The following MRPL30 variants were observed in gnomAD, a reference collection of about 807,000 sequenced individuals.
The protein encoded by MRPL30 is large ribosomal subunit protein uL30m.
Under a neutral mutation model 17.2 loss-of-function variants are expected in MRPL30, and 10 were observed. The observed-to-expected ratio is 0.58, with a 90% CI of 0.36 to 0.99. MRPL30 has a LOEUF of 0.99. Ranked by LOEUF, MRPL30 falls within the 50% of genes least tolerant of loss-of-function variation. The probability of loss-of-function intolerance (pLI) is 0.01; values close to 1 mark genes in which losing one functional copy is unlikely to be tolerated. For synonymous variants in MRPL30, 61 were observed against 62.1 expected (o/e 0.98, Z 0.08); for missense variants, 170 against 189.8 (o/e 0.90, Z 0.61).
At chr2:99,185,093 A>G (rs1330693802) in intron 1 of MRPL30, among the ~76,000 whole-genome samples, 3 of 152,266 alleles carry the variant, frequency 2.0e-5, no homozygotes, top group East Asian at 3.9e-4. Context: ...TTAGATTCTC[A>G]TAGGAGCGTG....
At chr2:99,194,422 C>T (rs1026517562) in intron 3 of MRPL30, among the ~76,000 whole-genome samples, 1 of 151,954 alleles carries the variant, frequency 6.6e-6, no homozygotes, top group Non-Finnish European at 1.5e-5. Flanking sequence ...TGTTTGTTTT[C>T]CCACTTGATA....
chr2:99,195,687 G>C lies in MRPL30; in HGVS notation c.468G>C (p.Gln156His). The change falls in exon 6 of 6, where the codon CAG becomes CAC. Residue 156 changes from glutamine (Q) to histidine (H), a missense_variant. Coordinates refer to ENST00000338148, the MANE Select transcript of MRPL30 (RefSeq NM_145212.4). The stretch of plus-strand genomic sequence containing the variant: ...AGTGGCATCTGAAACCTGTGGAGCA[G>C]AAAGCACATGAGTCCTAATGCCCCA... ...VVQWHLKPVE[Q>H]KAHES is the part of the protein sequence containing the mutation. 3 of 1,612,804 alleles carry C rather than the reference G, an allele frequency of 1.9e-6. No individual in the cohort carries two copies. The highest frequency in any genetic ancestry group is 2.5e-6 in the Non-Finnish European group (3 of 1,179,690).
intron 3 of MRPL30, among the ~76,000 whole-genome samples, chr2:99,193,711 A>G (rs1340218321): frequency 6.6e-6 from 1 of 152,164 alleles, no homozygotes; most frequent in Non-Finnish European, 1.5e-5. Context: ...ATTCATTTTA[A>G]TGGTAGTATT....
chr2:99,186,317 A>T (rs2093933992), intron 2 of MRPL30, 63 bp downstream of exon 2: 2 of 1,450,508 alleles, frequency 1.4e-6, no homozygotes, highest in African/African-American at 2.8e-5. Context: ...TTTAATCATT[A>T]CAAGGCAAGC....
intron 1 of MRPL30, among the ~76,000 whole-genome samples, chr2:99,182,680 ACT>A (rs1367973635): frequency 6.6e-6 from 1 of 152,238 alleles, no homozygotes; most frequent in Non-Finnish European, 1.5e-5. Context: ...ACATAGCGAG[ACT>A]CTGTCTCTAA....
chr2:99,187,544 G>A (rs4347885), intron 2 of MRPL30, among the ~76,000 whole-genome samples: 77,091 of 151,786 alleles, frequency 0.51, 21,457 homozygotes, highest in Middle Eastern at 0.7. Flanking sequence ...ATCCACACCC[G>A]GCTGGGCGCG....
intron 3 of MRPL30, among the ~76,000 whole-genome samples, chr2:99,192,366 C>T (rs924737359): frequency 1.3e-5 from 2 of 152,122 alleles, no homozygotes; most frequent in Non-Finnish European, 2.9e-5. Context: ...CCTATCAACC[C>T]GTCATCTAGG....
intron 1 of MRPL30, among the ~76,000 whole-genome samples, chr2:99,183,099 C>A (rs971030392): frequency 3.3e-5 from 5 of 152,090 alleles, no homozygotes; most frequent in Non-Finnish European, 5.9e-5. Context: ...ATGTAAATAT[C>A]AGGATCATTC....
chr2:99,184,430 C>A (rs1222716473), intron 1 of MRPL30, among the ~76,000 whole-genome samples: 1 of 152,090 alleles, frequency 6.6e-6, no homozygotes, highest in Non-Finnish European at 1.5e-5. Flanking sequence ...CCCTCAATAG[C>A]TATATTAAGC....
At chr2:99,185,123 C>T (rs187496980) in intron 1 of MRPL30, among the ~76,000 whole-genome samples, 5 of 152,244 alleles carry the variant, frequency 3.3e-5, no homozygotes, top group African/African-American at 1.2e-4. Context: ...GTGAACTGTG[C>T]ATGCAAGGGA....
chr2:99,183,287 G>C (rs530790180), intron 1 of MRPL30, among the ~76,000 whole-genome samples: 157 of 152,220 alleles, frequency 1.0e-3, no homozygotes, highest in African/African-American at 3.7e-3. Context: ...TTAAGAATTA[G>C]AGTTGGGGGT....
chr2:99,186,134 C>A, intron 1 of MRPL30, 43 bp from the exon 2 acceptor site: 1 of 1,388,890 alleles, frequency 7.2e-7, no homozygotes, highest in Non-Finnish European at 1.0e-6. Context: ...TGTTCATTTC[C>A]AAGACATAGT....
At chr2:99,189,637 A>G (rs1217620514) in intron 3 of MRPL30, among the ~76,000 whole-genome samples, 1 of 152,160 alleles carries the variant, frequency 6.6e-6, no homozygotes, top group African/African-American at 2.4e-5. Context: ...TAAATTTCCA[A>G]CTCATGAGTT....
intron 3 of MRPL30, among the ~76,000 whole-genome samples, chr2:99,191,009 C>CA (rs2093944413): frequency 6.9e-6 from 1 of 143,944 alleles, no homozygotes. Context: ...CCCTGACTAT[C>CA]TTTTTTTTTT....
chr2:99,186,299 A>AT (rs34925788), intron 2 of MRPL30, 45 bp downstream of exon 2: 1,703 of 1,471,460 alleles, frequency 1.2e-3, no homozygotes, highest in Middle Eastern at 1.4e-3. Context: ...CCCCTTATGA[A>AT]TTTTTTTTTT....
In MRPL30 at chr2:99,198,732, A is replaced by G. The variant is rs758072466; in HGVS notation, c.*3027A>G. 1.1e-4 allele frequency among the ~76,000 whole-genome samples: 17 copies of G among 152,132 alleles called. 1 individual carries two copies. The highest frequency in any genetic ancestry group is 3.9e-4 in the East Asian group (2 of 5,178). On this transcript the variant is annotated 3_prime_UTR_variant, in exon 6 of 6. Coordinates refer to ENST00000338148, the MANE Select transcript of MRPL30 (RefSeq NM_145212.4). ...CCTCATATCATCACTTCAAAACCCT[A>G]TAAGGGTTTGTTCCTCGGTCTTGAC...
In MRPL30 at chr2:99,199,186, C is replaced by G. The variant is rs1196794828; in HGVS notation, c.*3481C>G. On this transcript the variant is annotated 3_prime_UTR_variant, in exon 6 of 6. Coordinates refer to ENST00000338148, the MANE Select transcript of MRPL30 (RefSeq NM_145212.4). The stretch of plus-strand genomic sequence containing the variant: ...TAGTATCCCTTCCTTCCTTTCCATA[C>G]TTTGAGAATTAATAAGGACTAGCTT... Among the ~76,000 whole-genome samples, 2 of 152,168 alleles carry G rather than the reference C, an allele frequency of 1.3e-5. No individual in the cohort carries two copies. Among genetic ancestry groups the G allele is most frequent in the Non-Finnish European group, 2.9e-5 (2 of 68,036 alleles).
chr2:99,193,160 A>G (rs922738669), intron 3 of MRPL30, among the ~76,000 whole-genome samples: 10 of 152,216 alleles, frequency 6.6e-5, no homozygotes, highest in African/African-American at 2.4e-4. Flanking sequence ...AAAAGTGGGC[A>G]AAGGAAATGA....
At chr2:99,182,077 T>G (rs1324028895) in intron 1 of MRPL30, among the ~76,000 whole-genome samples, 1 of 151,908 alleles carries the variant, frequency 6.6e-6, no homozygotes, top group Non-Finnish European at 1.5e-5. Context: ...TATGTTAACG[T>G]TTTTCTGACA....
Sources: gnomAD v4.1 joint callset for allele counts (sites outside exome capture counted in the v4.1 genomes callset) on GRCh38, gnomAD v4.1.1 for gene constraint, MANE v1.5 for transcripts, NCBI Gene and HGNC (gene_info 2026-07-23, HGNC 2026-07-21) for gene names.